Variants in FLRT1 observed in about 807,000 individuals in gnomAD.
FLRT1 encodes the protein leucine-rich repeat transmembrane protein FLRT1.
Under a neutral mutation model 30.9 loss-of-function variants are expected in FLRT1, and 14 were observed. That is an observed-to-expected ratio of 0.45 (90% CI 0.30 to 0.71). The LOEUF is 0.71. Ranked by LOEUF, FLRT1 falls within the 30% of genes least tolerant of loss-of-function variation. The pLI, the probability that FLRT1 is intolerant of heterozygous loss-of-function variation, is 0.08. For missense variants in FLRT1, 737 were observed against 949.2 expected, an observed-to-expected ratio of 0.78 and a Z score of 2.94; for synonymous variants, 368 against 430.4, an observed-to-expected ratio of 0.85 and a Z score of 1.80.
At chr11:64,037,417 C>T (rs967827618) in intron 1 of FLRT1, among the ~76,000 whole-genome samples, 3 of 152,296 alleles carry the variant, frequency 2.0e-5, no homozygotes, top group Non-Finnish European at 2.9e-5. Context: ...CCGCCAGCCC[C>T]GGGAGGAGAG....
intron 1 of FLRT1, among the ~76,000 whole-genome samples, chr11:64,075,353 G>A (rs774490298): frequency 5.3e-5 from 8 of 152,220 alleles, no homozygotes; most frequent in Non-Finnish European, 8.8e-5. Flanking sequence ...GGTCTAAACC[G>A]TTCCCTGGGC....
intron 2 of FLRT1, among the ~76,000 whole-genome samples, chr11:64,110,664 C>T (rs989231952): frequency 5.9e-5 from 9 of 152,126 alleles, no homozygotes; most frequent in African/African-American, 1.9e-4. Flanking sequence ...ACCCCCGTGG[C>T]CCGCTAAGGA....
At chr11:64,049,658 C>T (rs377141322) in intron 1 of FLRT1, among the ~76,000 whole-genome samples, 8 of 152,328 alleles carry the variant, frequency 5.3e-5, no homozygotes, top group Non-Finnish European at 7.4e-5. Flanking sequence ...AGGGGGTGGA[C>T]GCTGGGGGTG....
At chr11:64,050,404 C>A (rs1263016522) in intron 1 of FLRT1, among the ~76,000 whole-genome samples, 1 of 152,358 alleles carries the variant, frequency 6.6e-6, no homozygotes, top group Admixed American at 6.5e-5. Flanking sequence ...TGGGGCCAGG[C>A]CCTTGGCCAG....
intron 1 of FLRT1, among the ~76,000 whole-genome samples, chr11:64,071,185 TC>T (rs1359211887): frequency 3.3e-5 from 5 of 151,908 alleles, no homozygotes; most frequent in Middle Eastern, 3.2e-3. Context: ...GCCCCTGGTT[TC>T]CCCCAGCTGC....
chr11:64,061,150 G>C (rs561145166), intron 1 of FLRT1, among the ~76,000 whole-genome samples: 1 of 152,342 alleles, frequency 6.6e-6, no homozygotes, highest in East Asian at 1.9e-4. Context: ...TTCAGTCTAG[G>C]CTAGGCTGAG....
chr11:64,091,088 G>C (rs1360243337), intron 1 of FLRT1, among the ~76,000 whole-genome samples: 2 of 149,064 alleles, frequency 1.3e-5, no homozygotes, highest in Non-Finnish European at 3.0e-5. Context: ...CATGGGAGGA[G>C]GAGGGGAGAA....
chr11:64,071,937 C>G (rs925941086), intron 1 of FLRT1, among the ~76,000 whole-genome samples: 5 of 152,188 alleles, frequency 3.3e-5, no homozygotes. Flanking sequence ...TTCTAGGTCC[C>G]GGCTCTGCAG....
Position 64,109,607 on chromosome 11 carries a change from C to T in FLRT1, c.-50+5426C>T, listed in dbSNP as rs1050174176. Among the ~76,000 whole-genome samples, 5 of 152,042 alleles carry T rather than the reference C, an allele frequency of 3.3e-5. No individual in the cohort carries two copies. The South Asian group carries it at 6.2e-4, about 19-fold the overall frequency. On this transcript the variant is annotated intron_variant, in intron 2 of 2. Transcript: ENST00000682287. ...TTCTGGCCACTGGATGACCTGGTGA[C>T]GAAGGCCCATTTAAAACCCTCTTAC...
intron 2 of FLRT1, among the ~76,000 whole-genome samples, chr11:64,115,257 A>G (rs1468299142): frequency 1.3e-5 from 2 of 152,232 alleles, no homozygotes; most frequent in African/African-American, 2.4e-5. Context: ...AGAAAAATCT[A>G]TGCTGCTATT....
chr11:64,058,868 G>C (rs1943843637), intron 1 of FLRT1, among the ~76,000 whole-genome samples: 1 of 152,158 alleles, frequency 6.6e-6, no homozygotes, highest in Non-Finnish European at 1.5e-5. Flanking sequence ...TGATAGGGGA[G>C]CTTCCATCTT....
chr11:64,085,402 C>G (rs911452680), intron 1 of FLRT1, among the ~76,000 whole-genome samples: 3 of 152,172 alleles, frequency 2.0e-5, no homozygotes, highest in Non-Finnish European at 4.4e-5. Context: ...GCCTGCCTTC[C>G]GGGGACGGAG....
intron 2 of FLRT1, among the ~76,000 whole-genome samples, chr11:64,105,748 G>A (rs377220878): frequency 1.1e-4 from 16 of 152,254 alleles, no homozygotes; most frequent in African/African-American, 3.1e-4. Context: ...CATCCTCCCT[G>A]TGCCAAACCC....
chr11:64,077,653 A>G (rs1001716974), intron 1 of FLRT1, among the ~76,000 whole-genome samples: 3 of 152,076 alleles, frequency 2.0e-5, no homozygotes, highest in African/African-American at 4.8e-5. Context: ...TCAGAGGCAC[A>G]TGCTGGCACA....
At chr11:64,085,010 A>G (rs1944369399) in intron 1 of FLRT1, among the ~76,000 whole-genome samples, 2 of 152,134 alleles carry the variant, frequency 1.3e-5, no homozygotes, top group African/African-American at 2.4e-5. Flanking sequence ...TACTATAACA[A>G]TGGGTCCTAT....
chr11:64,044,157 G>A (rs1943541033), intron 1 of FLRT1, among the ~76,000 whole-genome samples: 1 of 151,862 alleles, frequency 6.6e-6, no homozygotes, highest in Admixed American at 6.6e-5. Flanking sequence ...AACCCCCTCA[G>A]CCTACAACAC....
intron 1 of FLRT1, among the ~76,000 whole-genome samples, chr11:64,059,229 C>T (rs1375365935): frequency 1.3e-5 from 2 of 152,178 alleles, no homozygotes; most frequent in African/African-American, 4.8e-5. Context: ...GCTCCAGATT[C>T]CTCTTGCCGA....
intron 1 of FLRT1, among the ~76,000 whole-genome samples, chr11:64,092,035 G>C (rs1316823050): frequency 6.6e-6 from 1 of 152,112 alleles, no homozygotes; most frequent in Non-Finnish European, 1.5e-5. Flanking sequence ...AGCTCCTGAG[G>C]GTCCCAAAAA....
rs143156375 is a variant in FLRT1, at chr11:64,056,368, C to T, written c.-1038+20209C>T. Among the ~76,000 whole-genome samples, 630 of 152,266 alleles carry T rather than the reference C, an allele frequency of 4.1e-3. 4 individuals are homozygous for T. The highest frequency in any genetic ancestry group is 0.015 in the African/African-American group (605 of 41,556). ...CCCCGCCCAGGCTCTGCTTCAGTGC[C>T]AGAATGAACAGGCCCCCTCTCCTAG... is the stretch of plus-strand genomic sequence containing the variant. On this transcript the variant is annotated intron_variant, in intron 1 of 2. Coordinates refer to ENST00000682287, the MANE Select transcript of FLRT1 (RefSeq NM_013280.5).
Sources: allele counts gnomAD v4.1 joint callset (sites outside exome capture counted in the v4.1 genomes callset), GRCh38; gene constraint gnomAD v4.1.1; transcripts MANE v1.5; gene names NCBI Gene and HGNC (gene_info 2026-07-23, HGNC 2026-07-21).